RGL1: variants seen among roughly 807,000 people sequenced by gnomAD.
RGL1 encodes ral guanine nucleotide dissociation stimulator like 1, also known as ral guanine nucleotide dissociation stimulator-like 1.
A neutral mutation model predicts 95.2 loss-of-function variants in RGL1; 24 were observed. The ratio of observed to expected loss-of-function variants is 0.25; its 90% CI spans 0.18 to 0.35. The LOEUF (loss-of-function observed/expected upper bound fraction) is 0.35, where lower values mean the gene tolerates loss of function less well. RGL1 is among the 10% of genes least tolerant of loss of function. The probability of loss-of-function intolerance (pLI) is 1.00; values close to 1 mark genes in which losing one functional copy is unlikely to be tolerated. For missense variants in RGL1, 715 were observed against 936.3 expected (o/e 0.76, Z 3.08); for synonymous variants, 329 against 344.9 (o/e 0.95, Z 0.51).
intron 2 of RGL1, among the ~76,000 whole-genome samples, chr1:183,763,884 C>G (rs1658830881): frequency 6.6e-6 from 1 of 152,136 alleles, no homozygotes; most frequent in Non-Finnish European, 1.5e-5. Context: ...GCTTTTGACT[C>G]CTGCTGCCTG....
chr1:183,844,054 G>A (rs1010977456), intron 2 of RGL1, among the ~76,000 whole-genome samples: 7 of 152,126 alleles, frequency 4.6e-5, no homozygotes, highest in Non-Finnish European at 8.8e-5. Context: ...TTGAACTCCT[G>A]ACCTCAGGTG....
At chr1:183,895,200 C>T (rs1008355222) in intron 9 of RGL1, among the ~76,000 whole-genome samples, 1 of 152,176 alleles carries the variant, frequency 6.6e-6, no homozygotes, top group Non-Finnish European at 1.5e-5. Context: ...GCTATAATTG[C>T]TGGTAGCTAC....
chr1:183,794,246 A>C lies in RGL1; in HGVS notation c.133-12129A>C, dbSNP rs560388862. Among the ~76,000 whole-genome samples the C allele has an allele frequency of 4.6e-5, 7 of 152,326 alleles. No homozygotes were observed. The East Asian group carries it at 1.2e-3, about 25-fold the overall frequency. ...TGGGAGCTAAAAAAAAGTTAATCTC[A>C]TGGAAAAGAATAGAATGATGTTTAC... On this transcript the variant is annotated intron_variant, in intron 2 of 18. Transcript: ENST00000304685.
Position 183,660,199 on chromosome 1 carries a change from C to A in RGL1, c.-33+23698C>A, listed in dbSNP as rs552934308. Reference sequence around the variant, plus strand: ...ATCATAATGACAGGATCAAATTCACCCATAACAATATTAATTTTAAATGTA... The same window carrying A: ...ATCATAATGACAGGATCAAATTCACACATAACAATATTAATTTTAAATGTA... On this transcript the variant is annotated intron_variant, in intron 1 of 18. Coordinates refer to the RGL1 transcript ENST00000304685. Among the ~76,000 whole-genome samples the A allele has an allele frequency of 5.3e-4, 81 of 152,142 alleles. 1 individual carries two copies. The highest frequency in any genetic ancestry group is 3.7e-3 in the South Asian group (18 of 4,812).
At chr1:183,834,880 A>G (rs1258386332) in intron 2 of RGL1, among the ~76,000 whole-genome samples, 6 of 151,686 alleles carry the variant, frequency 4.0e-5, no homozygotes, top group African/African-American at 9.7e-5. Context: ...ACAGGGTCTC[A>G]CTATATTGCC....
chr1:183,675,201 A>G lies in RGL1; in HGVS notation c.-33+38700A>G, dbSNP rs368415911. On this transcript the variant is annotated intron_variant, in intron 1 of 18. Coordinates refer to the RGL1 transcript ENST00000304685. ...TGCACTCTGGATGAACCCAGTTTAC[A>G]TTTTGGTTGGGATGGGGAAAGTAGA... is the stretch of plus-strand genomic sequence containing the variant. 8.0e-4 allele frequency among the ~76,000 whole-genome samples: 122 copies of G among 152,220 alleles called. 1 individual carries two copies. In the South Asian group the frequency reaches 0.02, roughly 25 times the overall value.
chr1:183,693,867 T>A (rs928537935), intron 1 of RGL1, among the ~76,000 whole-genome samples: 1 of 152,170 alleles, frequency 6.6e-6, no homozygotes, highest in Non-Finnish European at 1.5e-5. Flanking sequence ...AGAGGACCCT[T>A]GGAATAGACT....
intron 15 of RGL1, 90 bp downstream of exon 15, chr1:183,912,358 A>C: frequency 1.9e-6 from 2 of 1,063,316 alleles, no homozygotes; most frequent in Non-Finnish European, 2.7e-6. Context: ...TTTTAAGTGG[A>C]TCACTCTATA....
intron 10 of RGL1, among the ~76,000 whole-genome samples, chr1:183,898,981 C>A (rs1667863383): frequency 6.6e-6 from 1 of 152,138 alleles, no homozygotes. Context: ...TTTACTTTTC[C>A]TTTAGGATGT....
chr1:183,646,104 T>A (rs765983168), intron 1 of RGL1, among the ~76,000 whole-genome samples: 14 of 152,234 alleles, frequency 9.2e-5, no homozygotes, highest in Admixed American at 9.2e-4. Flanking sequence ...TCAGAGATGC[T>A]GGATTTGTCA....
In RGL1 at chr1:183,724,919, C is replaced by T. The variant is rs1656221902; in HGVS notation, c.-32-17207C>T. Among the ~76,000 whole-genome samples, 1 of 151,728 alleles carries T rather than the reference C, an allele frequency of 6.6e-6. No individual in the cohort carries two copies. The highest frequency in any genetic ancestry group is 6.6e-5 in the Admixed American group (1 of 15,216). On this transcript the variant is annotated intron_variant, in intron 1 of 18. Transcript: ENST00000304685. This position sits in a 1 kb window ranked among gnomAD's most constrained non-coding sequence, Gnocchi z 4.1. The stretch of plus-strand genomic sequence containing the variant: ...CCTAGCACAGTCCCAGTGGTAGTGG[C>T]CACAGGGGTGGTTGTGTCATCTCTC...
At chr1:183,846,269 C>T (rs1304259683) in intron 2 of RGL1, among the ~76,000 whole-genome samples, 1 of 152,058 alleles carries the variant, frequency 6.6e-6, no homozygotes, top group Non-Finnish European at 1.5e-5. Context: ...TGGAAACCAT[C>T]ATTCTCAGCA....
At chr1:183,725,537 GTTA>G (rs1261820572) in intron 1 of RGL1, among the ~76,000 whole-genome samples, 7 of 152,016 alleles carry the variant, frequency 4.6e-5, no homozygotes, top group Non-Finnish European at 8.8e-5. Flanking sequence ...AGCTGTTTTA[GTTA>G]TATTAATAGC....
chr1:183,887,358 G>A (rs902206744), intron 7 of RGL1, among the ~76,000 whole-genome samples: 10 of 151,572 alleles, frequency 6.6e-5, no homozygotes, highest in African/African-American at 2.4e-4. Context: ...TCCAGATTTT[G>A]GCATGCTAAA....
At position 183,710,391 on chromosome 1, in the gene RGL1, C is replaced by A. The variant is rs376738845; in HGVS notation, c.-32-31735C>A. ...AGGACGGAGATCTGGTCAGGAAAGG[C>A]ACTGGTGGTAAGGGGGAAGGTTATC... On this transcript the variant is annotated intron_variant, in intron 1 of 18. Coordinates refer to the RGL1 transcript ENST00000304685. 6.6e-5 allele frequency among the ~76,000 whole-genome samples: 10 copies of A among 152,222 alleles called. No homozygotes were observed. In the East Asian group the frequency reaches 7.7e-4, roughly 12 times the overall value.
chr1:183,923,520 G>A (rs1163469791), intron 17 of RGL1, among the ~76,000 whole-genome samples: 1 of 152,124 alleles, frequency 6.6e-6, no homozygotes, highest in East Asian at 1.9e-4. Context: ...ACTAAGGTGA[G>A]GCTGGTGGGT....
intron 15 of RGL1, among the ~76,000 whole-genome samples, chr1:183,913,095 G>T (rs184356826): frequency 6.6e-6 from 1 of 150,862 alleles, no homozygotes; most frequent in East Asian, 1.9e-4. Flanking sequence ...AAGAATTTCC[G>T]TCGAGTTTCT....
chr1:183,706,271 G>C (rs540330805), intron 1 of RGL1, among the ~76,000 whole-genome samples: 2 of 152,108 alleles, frequency 1.3e-5, no homozygotes, highest in Non-Finnish European at 2.9e-5. Context: ...GGTGGCTCGG[G>C]GTTTGGAGAC....
At chr1:183,910,825 C>T (rs1029736644) in intron 14 of RGL1, among the ~76,000 whole-genome samples, 3 of 152,334 alleles carry the variant, frequency 2.0e-5, no homozygotes, top group East Asian at 3.9e-4. Context: ...ATGTCTTGCT[C>T]TGAGCTCCGG....
Sources: allele counts gnomAD v4.1 joint callset (sites outside exome capture counted in the v4.1 genomes callset), GRCh38; gene constraint gnomAD v4.1.1; non-coding constraint Gnocchi (gnomAD v3.1); transcripts MANE v1.5; gene names NCBI Gene and HGNC (gene_info 2026-07-23, HGNC 2026-07-21).